ATRX: variants seen among roughly 807,000 people sequenced by gnomAD.
ATRX encodes the protein ATRX chromatin remodeler.
Under a neutral mutation model 172.6 loss-of-function variants are expected in ATRX, and 12 were observed. The observed-to-expected ratio is 0.07, with a 90% CI of 0.04 to 0.11. The LOEUF (loss-of-function observed/expected upper bound fraction) is 0.11, where lower values mean the gene tolerates loss of function less well. Ranked by LOEUF, ATRX falls within the 10% of genes least tolerant of loss-of-function variation. ATRX has a pLI of 1.00. For synonymous variants in ATRX, 674 were observed against 594.7 expected (o/e 1.13, Z -1.94); for missense variants, 1,368 against 1,767.4 (o/e 0.77, Z 4.05).
chrX:77,530,363 T>G (rs2063531134), intron 30 of ATRX, among the ~76,000 whole-genome samples: 1 of 110,988 alleles, frequency 9.0e-6, no homozygotes, highest in South Asian at 3.8e-4. Flanking sequence ...TCCCTGCACT[T>G]TGGGAGGCTG....
intron 22 of ATRX, chrX:77,616,317 A>G (rs2067356397): frequency 2.2e-6 from 2 of 910,573 alleles, no homozygotes; most frequent in Admixed American, 5.1e-5. Flanking sequence ...GGAATTTTGT[A>G]TATCTTCTTT....
At chrX:77,545,395 C>G (rs1557052875) in intron 30 of ATRX, among the ~76,000 whole-genome samples, 3 of 111,438 alleles carry the variant, frequency 2.7e-5, no homozygotes, top group African/African-American at 9.8e-5. Flanking sequence ...ACAGACATCC[C>G]TGGGGTAACA....
intron 33 of ATRX, 87 bp downstream of exon 33, chrX:77,521,316 G>T: frequency 1.4e-6 from 1 of 715,475 alleles, no homozygotes. Context: ...TTTATAAGAA[G>T]GAACAATTAA....
chrX:77,547,988 C>T (rs1248015473), intron 30 of ATRX, among the ~76,000 whole-genome samples: 1 of 111,655 alleles, frequency 9.0e-6, no homozygotes, highest in Non-Finnish European at 1.9e-5. Context: ...ATTATGGAAA[C>T]AAAAACAGCA....
chrX:77,525,002 C>T (rs1427214441), intron 30 of ATRX, among the ~76,000 whole-genome samples: 1 of 111,180 alleles, frequency 9.0e-6, no homozygotes, highest in Non-Finnish European at 1.9e-5. Flanking sequence ...ACCTTGATCT[C>T]CCAAAATACT....
chrX:77,598,016 A>G (rs1293455149), intron 25 of ATRX, among the ~76,000 whole-genome samples: 2 of 112,121 alleles, frequency 1.8e-5, no homozygotes, highest in Non-Finnish European at 3.8e-5. Flanking sequence ...CACAACAGCA[A>G]AAACATGGAA....
At chrX:77,577,652 C>T (rs1403799352) in intron 27 of ATRX, among the ~76,000 whole-genome samples, 3 of 110,916 alleles carry the variant, frequency 2.7e-5, no homozygotes, top group Non-Finnish European at 5.7e-5. Flanking sequence ...AGAGCCCAGG[C>T]CAAGATGGCT....
chrX:77,641,174 G>GA (rs1458611480), intron 15 of ATRX, among the ~76,000 whole-genome samples: 2 of 110,231 alleles, frequency 1.8e-5, no homozygotes, highest in African/African-American at 6.6e-5. Flanking sequence ...TTGTCAAGAA[G>GA]AAAAAAAATA....
At chrX:77,536,066 G>A (rs1437598436) in intron 30 of ATRX, among the ~76,000 whole-genome samples, 1 of 108,952 alleles carries the variant, frequency 9.2e-6, no homozygotes, top group Non-Finnish European at 1.9e-5. Context: ...AAGAGACAGG[G>A]GCTCGCTATG....
intron 28 of ATRX, among the ~76,000 whole-genome samples, chrX:77,573,077 C>T (rs781999025): frequency 5.8e-4 from 65 of 112,036 alleles, no homozygotes; most frequent in African/African-American, 2.0e-3. Context: ...TATGTGTATA[C>T]GTATGCGTAT....
At chrX:77,763,039 T>G (rs1557193610) in intron 1 of ATRX, among the ~76,000 whole-genome samples, 1 of 111,372 alleles carries the variant, frequency 9.0e-6, no homozygotes. Flanking sequence ...CACTGAAGGG[T>G]AAGTGTTAAC....
At chrX:77,696,222 C>T (rs1442050648) in intron 5 of ATRX, among the ~76,000 whole-genome samples, 2 of 112,096 alleles carry the variant, frequency 1.8e-5, no homozygotes, top group African/African-American at 6.5e-5. Flanking sequence ...ACAGTCATTA[C>T]ATTTTTGTAT....
intron 1 of ATRX, among the ~76,000 whole-genome samples, chrX:77,720,423 C>T (rs1360882610): frequency 9.1e-6 from 1 of 110,382 alleles, no homozygotes; most frequent in Non-Finnish European, 1.9e-5. Flanking sequence ...CAAAACAGAC[C>T]ACTATCCGGA....
At position 77,582,310 on chromosome X, in the gene ATRX, GA is replaced by G. The variant is rs781820420; in HGVS notation, c.6217+7523del. ...AGCTACTCAGGAGGCTGAGGCGGAA[GA>G]ATCATTTGAACCTGAGAGGCAGAGG... On this transcript the variant is annotated intron_variant, in intron 27 of 34. Coordinates refer to ENST00000373344, the MANE Select transcript of ATRX (RefSeq NM_000489.6). 7.7e-3 allele frequency among the ~76,000 whole-genome samples: 840 copies of G among 108,986 alleles called. 9 individuals are homozygous for G. Among genetic ancestry groups the G allele is most frequent in the African/African-American group, 0.027 (810 of 29,892 alleles). The allele number at this position is 108,986 out of a possible 115,157, so 94.6% of individuals were successfully genotyped here. A position where few individuals can be genotyped will look rare whatever the true frequency, so the allele number is the denominator to read the frequency against.
At chrX:77,629,350 T>G (rs1392747974) in intron 19 of ATRX, among the ~76,000 whole-genome samples, 1 of 112,239 alleles carries the variant, frequency 8.9e-6, no homozygotes, top group Admixed American at 9.4e-5. Flanking sequence ...TCTAATAAAT[T>G]TAGAAGTACT....
At chrX:77,685,978 G>T (rs2071531239) in intron 7 of ATRX, among the ~76,000 whole-genome samples, 1 of 111,605 alleles carries the variant, frequency 9.0e-6, no homozygotes. Context: ...TTATAAGTGG[G>T]ATCTAAAAAT....
rs1422567867 is a variant in ATRX at position 77,678,240 on chromosome X, CAGACAGAG to C, written c.3737-1950_3737-1943del. Among the ~76,000 whole-genome samples, 4 of 33,475 alleles carry C rather than the reference CAGACAGAG, an allele frequency of 1.2e-4. No individual in the cohort carries two copies. The East Asian group carries it at 3.7e-3, about 31-fold the overall frequency. 29.1% of individuals were successfully genotyped at this position (33,475 alleles called of 115,157 possible). A position where few individuals can be genotyped will look rare whatever the true frequency, so the allele number is the denominator to read the frequency against. On this transcript the variant is annotated intron_variant, in intron 9 of 34. Coordinates refer to ENST00000373344, the MANE Select transcript of ATRX (RefSeq NM_000489.6). ...TCAACTCAAAAAAAAAAAAAAGAGA[CAGACAGAG>C]AGAGAGAAGAGATTTCATAATATCC...
At chrX:77,669,401 G>A (rs1415394278) in intron 10 of ATRX, among the ~76,000 whole-genome samples, 2 of 109,869 alleles carry the variant, frequency 1.8e-5, no homozygotes, top group Non-Finnish European at 3.8e-5. Context: ...GAGGCTCACT[G>A]CAACCTCTGC....
chrX:77,716,077 T>A (rs2073361237), intron 2 of ATRX, among the ~76,000 whole-genome samples: 1 of 102,015 alleles, frequency 9.8e-6, no homozygotes, highest in Admixed American at 1.1e-4. Flanking sequence ...CCAAGACCAG[T>A]CTGGACAACA....
Sources: allele counts gnomAD v4.1 joint callset (sites outside exome capture counted in the v4.1 genomes callset), GRCh38; gene constraint gnomAD v4.1.1; transcripts MANE v1.5; gene names NCBI Gene and HGNC (gene_info 2026-07-23, HGNC 2026-07-21).